Variants in CSMD1 observed in about 807,000 individuals in gnomAD.
The protein encoded by CSMD1 is CUB and sushi domain-containing protein 1.
Under a neutral mutation model 417.5 loss-of-function variants are expected in CSMD1, and 213 were observed. The ratio of observed to expected loss-of-function variants is 0.51; its 90% CI spans 0.46 to 0.57. The LOEUF is 0.57. Ranked by LOEUF, CSMD1 falls within the 20% of genes least tolerant of loss-of-function variation. The pLI, the probability that CSMD1 is intolerant of heterozygous loss-of-function variation, is 0.00. For missense variants in CSMD1, 6,923 were observed against 4,529.7 expected, an observed-to-expected ratio of 1.53 and a Z score of -15.17; for synonymous variants, 2,862 against 1,736.8, an observed-to-expected ratio of 1.65 and a Z score of -16.11.
At chr8:4,160,766 T>G (rs1317624019) in intron 3 of CSMD1, among the ~76,000 whole-genome samples, 1 of 152,240 alleles carries the variant, frequency 6.6e-6, no homozygotes, top group Admixed American at 6.5e-5. Context: ...TCAGTCACAC[T>G]TGGATGAAAG....
chr8:3,977,126 G>C (rs763631725), intron 5 of CSMD1, among the ~76,000 whole-genome samples: 1 of 152,068 alleles, frequency 6.6e-6, no homozygotes, highest in Non-Finnish European at 1.5e-5. Flanking sequence ...AAAATCCTCA[G>C]ATGAAACTTT....
At chr8:4,320,488 C>T (rs1158079047) in intron 3 of CSMD1, among the ~76,000 whole-genome samples, 13 of 152,098 alleles carry the variant, frequency 8.5e-5, no homozygotes, top group African/African-American at 3.1e-4. Flanking sequence ...AGATATTTTT[C>T]CTAATGCTAT....
At chr8:3,048,311 TC>T (rs1811591535) in intron 50 of CSMD1, among the ~76,000 whole-genome samples, 1 of 152,080 alleles carries the variant, frequency 6.6e-6, no homozygotes, top group African/African-American at 2.4e-5. Context: ...AAAAAAAGTG[TC>T]CGATACATCA....
intron 2 of CSMD1, among the ~76,000 whole-genome samples, chr8:4,501,841 A>G (rs1170311018): frequency 6.6e-6 from 1 of 152,064 alleles, no homozygotes; most frequent in Non-Finnish European, 1.5e-5. Context: ...CCTTTATCAG[A>G]GGTATGTCTG....
intron 1 of CSMD1, among the ~76,000 whole-genome samples, chr8:4,826,801 T>A (rs1202243800): frequency 6.6e-6 from 1 of 152,302 alleles, no homozygotes; most frequent in East Asian, 1.9e-4. Context: ...ACAGGCTTAA[T>A]GTACTTTTAC....
intron 1 of CSMD1, among the ~76,000 whole-genome samples, chr8:4,648,665 G>A (rs1350381030): frequency 1.3e-5 from 2 of 152,266 alleles, no homozygotes; most frequent in East Asian, 1.9e-4. Context: ...AGACAACCAT[G>A]TTTCACCTTT....
At chr8:3,539,720 T>C (rs771009715) in intron 10 of CSMD1, among the ~76,000 whole-genome samples, 7 of 145,386 alleles carry the variant, frequency 4.8e-5, no homozygotes, top group Admixed American at 2.0e-4. Context: ...ATTAAAAACA[T>C]ATCACACATT....
At chr8:4,359,744 A>G (rs1392611703) in intron 3 of CSMD1, among the ~76,000 whole-genome samples, 1 of 152,176 alleles carries the variant, frequency 6.6e-6, no homozygotes, top group East Asian at 1.9e-4. Context: ...GCCCACTTCT[A>G]CATTCATTCC....
chr8:3,762,181 T>C (rs560643886), intron 5 of CSMD1, among the ~76,000 whole-genome samples: 10 of 152,296 alleles, frequency 6.6e-5, no homozygotes, highest in African/African-American at 2.2e-4. Flanking sequence ...CAGAAACAGC[T>C]GACTTCATGC....
chr8:4,160,860 A>T (rs995931475), intron 3 of CSMD1, among the ~76,000 whole-genome samples: 1 of 152,264 alleles, frequency 6.6e-6, no homozygotes, highest in Non-Finnish European at 1.5e-5. Context: ...TATTTCCTTA[A>T]GGAGAAATTC....
Position 3,107,805 on chromosome 8 carries a change from G to T in CSMD1, c.6755-7C>A. ...CATTTCTTGAGCTGAAATGCTAAAT[G>T]ATTAATGGAAAGAATAATAATAATT... On this transcript the variant is annotated splice_polypyrimidine_tract_variant and splice_region_variant and intron_variant, in intron 44 of 69. Transcript: ENST00000635120. The T allele has an allele frequency of 6.4e-7, 1 of 1,551,596 alleles. No individual in the cohort carries two copies. Among genetic ancestry groups the T allele is most frequent in the Non-Finnish European group, 8.7e-7 (1 of 1,144,322 alleles).
At chr8:4,340,377 A>G (rs1800406126) in intron 3 of CSMD1, among the ~76,000 whole-genome samples, 1 of 152,036 alleles carries the variant, frequency 6.6e-6, no homozygotes, top group Non-Finnish European at 1.5e-5. Context: ...AAATGTAGAA[A>G]ATAACACTCT....
intron 4 of CSMD1, among the ~76,000 whole-genome samples, chr8:4,024,481 C>G (rs987152375): frequency 6.6e-6 from 1 of 152,126 alleles, no homozygotes; most frequent in East Asian, 1.9e-4. Flanking sequence ...TGGGATGAGA[C>G]CACCCAAACT....
intron 2 of CSMD1, among the ~76,000 whole-genome samples, chr8:4,581,937 A>G (rs1799438948): frequency 6.6e-6 from 1 of 152,228 alleles, no homozygotes; most frequent in African/African-American, 2.4e-5. Context: ...AGTCAGGTCA[A>G]AGAAAGAGTT....
At chr8:4,883,938 A>T (rs959942652) in intron 1 of CSMD1, among the ~76,000 whole-genome samples, 12 of 152,032 alleles carry the variant, frequency 7.9e-5, no homozygotes, top group Admixed American at 6.5e-5. Flanking sequence ...GCAATATTTC[A>T]CATTTCCACT....
intron 25 of CSMD1, among the ~76,000 whole-genome samples, chr8:3,286,883 C>T (rs553082301): frequency 1.3e-5 from 2 of 152,302 alleles, no homozygotes; most frequent in East Asian, 1.9e-4. Context: ...GTGTTTTAGA[C>T]ATGAAGTCCT....
At chr8:3,439,122 C>CAAAAAAAAAAAAAA (rs1158997352) in intron 12 of CSMD1, among the ~76,000 whole-genome samples, 1 of 2,492 alleles carries the variant, frequency 4.0e-4, no homozygotes, top group African/African-American at 2.4e-3. Flanking sequence ...GACTCCATCT[C>CAAAAAAAAAAAAAA]AAAAAAAAAA....
chr8:3,841,900 C>G (rs749650640), intron 5 of CSMD1, among the ~76,000 whole-genome samples: 3 of 152,054 alleles, frequency 2.0e-5, no homozygotes, highest in African/African-American at 7.2e-5. Flanking sequence ...ACGGCAAAGC[C>G]TTTCCCATGG....
intron 63 of CSMD1, 109 bp from the exon 64 acceptor site, chr8:2,955,877 T>A: frequency 2.4e-6 from 2 of 842,436 alleles, no homozygotes; most frequent in Non-Finnish European, 3.7e-6. Context: ...GCAGTCAATA[T>A]GTATATATAC....
Sources: allele counts gnomAD v4.1 joint callset (sites outside exome capture counted in the v4.1 genomes callset), GRCh38; gene constraint gnomAD v4.1.1; transcripts MANE v1.5; gene names NCBI Gene and HGNC (gene_info 2026-07-23, HGNC 2026-07-21).